Variants in KLF8 observed in about 807,000 individuals in gnomAD.
KLF8 encodes the protein Krueppel-like factor 8.
In KLF8, 10 loss-of-function variants were observed where a neutral mutation model predicts 18.2. The observed-to-expected ratio is 0.55, with a 90% CI of 0.34 to 0.93. The LOEUF (loss-of-function observed/expected upper bound fraction) is 0.93. KLF8 is among the 40% of genes least tolerant of loss of function. The probability of loss-of-function intolerance (pLI) is 0.02; values close to 1 mark genes in which losing one functional copy is unlikely to be tolerated. For missense variants in KLF8, 264 were observed against 277.9 expected, an observed-to-expected ratio of 0.95 and a Z score of 0.36; for synonymous variants, 109 against 97.3, an observed-to-expected ratio of 1.12 and a Z score of -0.71.
the KLF8 span, among the ~76,000 whole-genome samples, chrX:56,198,951 C>T: frequency 2.7e-5 from 3 of 111,620 alleles, no homozygotes; most frequent in Admixed American, 2.9e-4. Flanking sequence ...CTACCACCAT[C>T]TTATCTGTGA....
the KLF8 span, among the ~76,000 whole-genome samples, chrX:56,053,472 G>GT: frequency 9.4e-6 from 1 of 106,103 alleles, no homozygotes; most frequent in African/African-American, 3.4e-5. Flanking sequence ...CCTGGGGTGG[G>GT]TTTTTTTGTT....
chrX:56,141,120 C>A, the KLF8 span, among the ~76,000 whole-genome samples: 2 of 111,493 alleles, frequency 1.8e-5, no homozygotes, highest in African/African-American at 6.5e-5. Flanking sequence ...CATGCCCCTA[C>A]ACCAGGCTAA....
chrX:56,109,225 T>C, the KLF8 span, among the ~76,000 whole-genome samples: 1 of 110,536 alleles, frequency 9.0e-6, no homozygotes, highest in African/African-American at 3.3e-5. Context: ...TGAGACCTTG[T>C]CTCTACAAAG....
the KLF8 span, among the ~76,000 whole-genome samples, chrX:56,200,397 T>C: frequency 7.3e-5 from 8 of 110,019 alleles, no homozygotes; most frequent in African/African-American, 2.6e-4. Flanking sequence ...TTAAAAATAA[T>C]ATTAAATGGT....
At chrX:56,064,681 C>A in the KLF8 span, among the ~76,000 whole-genome samples, 1 of 110,737 alleles carries the variant, frequency 9.0e-6, no homozygotes, top group African/African-American at 3.3e-5. Context: ...TTTGTGTTTC[C>A]TCTACCAGTG....
At chrX:56,148,687 A>G in the KLF8 span, among the ~76,000 whole-genome samples, 1 of 111,975 alleles carries the variant, frequency 8.9e-6, no homozygotes, top group African/African-American at 3.2e-5. Context: ...ATAAAGAAAA[A>G]GCCAAGGGGT....
chrX:56,152,905 GTA>G, the KLF8 span, among the ~76,000 whole-genome samples: 1 of 111,989 alleles, frequency 8.9e-6, no homozygotes, highest in Non-Finnish European at 1.9e-5. Flanking sequence ...TAAGTAACAT[GTA>G]TGAGCTCACA....
At chrX:56,168,472 AC>A in the KLF8 span, among the ~76,000 whole-genome samples, 3 of 112,192 alleles carry the variant, frequency 2.7e-5, no homozygotes, top group Non-Finnish European at 3.8e-5. Context: ...AATGTTTATG[AC>A]CTTTTACACA....
chrX:56,053,157 G>A, the KLF8 span, among the ~76,000 whole-genome samples: 3 of 112,088 alleles, frequency 2.7e-5, no homozygotes, highest in East Asian at 5.6e-4. Flanking sequence ...ACTGACCTGC[G>A]CCCACTGTCT....
chrX:55,999,203 G>A, the KLF8 span, among the ~76,000 whole-genome samples: 1 of 103,687 alleles, frequency 9.6e-6, no homozygotes, highest in Non-Finnish European at 2.0e-5. Flanking sequence ...GGTCTACGGG[G>A]GTATTTTATT....
the KLF8 span, among the ~76,000 whole-genome samples, chrX:56,209,266 A>G: frequency 8.9e-6 from 1 of 111,774 alleles, no homozygotes; most frequent in Non-Finnish European, 1.9e-5. Context: ...TGATATTAAT[A>G]TAGTTACTCC....
chrX:56,078,033 G>A, the KLF8 span, among the ~76,000 whole-genome samples: 1 of 109,612 alleles, frequency 9.1e-6, no homozygotes, highest in Non-Finnish European at 1.9e-5. Context: ...AGCTTAAGGG[G>A]ATTTTGGGTT....
At chrX:55,952,893 G>A in the KLF8 span, among the ~76,000 whole-genome samples, 34 of 111,695 alleles carry the variant, frequency 3.0e-4, no homozygotes, top group Non-Finnish European at 4.9e-4. Context: ...AACTTATGAC[G>A]TGGACATTAT....
the KLF8 span, among the ~76,000 whole-genome samples, chrX:56,079,558 C>T: frequency 9.0e-6 from 1 of 111,265 alleles, no homozygotes; most frequent in Middle Eastern, 4.2e-3. Flanking sequence ...AGCTTTACTT[C>T]CCAGTATGTG....
chrX:56,199,099 G>C, the KLF8 span, among the ~76,000 whole-genome samples: 1 of 111,952 alleles, frequency 8.9e-6, no homozygotes, highest in African/African-American at 3.2e-5. Context: ...CAAGATGGAT[G>C]AAAGACTTAA....
chrX:56,062,872 T>C, the KLF8 span, among the ~76,000 whole-genome samples: 6 of 110,933 alleles, frequency 5.4e-5, no homozygotes, highest in East Asian at 1.7e-3. Flanking sequence ...CTTTTCATTC[T>C]TTTTTTTCTA....
the KLF8 span, among the ~76,000 whole-genome samples, chrX:56,204,031 C>T: frequency 9.0e-6 from 1 of 111,128 alleles, no homozygotes; most frequent in East Asian, 2.8e-4. Context: ...GACATTTTAA[C>T]ATAGTTAATT....
the KLF8 span, among the ~76,000 whole-genome samples, chrX:56,181,388 G>A: frequency 9.0e-6 from 1 of 111,305 alleles, no homozygotes. Context: ...CCTGAATACA[G>A]CACACTGATC....
chrX:56,162,181 C>A, the KLF8 span, among the ~76,000 whole-genome samples: 3 of 111,995 alleles, frequency 2.7e-5, no homozygotes, highest in African/African-American at 6.5e-5. Context: ...TGTGCCCCTA[C>A]TGTGGGGTGC....
Sources: allele counts gnomAD v4.1 joint callset (sites outside exome capture counted in the v4.1 genomes callset), GRCh38; gene constraint gnomAD v4.1.1; transcripts MANE v1.5; gene names NCBI Gene and HGNC (gene_info 2026-07-23, HGNC 2026-07-21).